Variants in GDAP1 observed in about 807,000 individuals in gnomAD.
The protein encoded by GDAP1 is ganglioside-induced differentiation-associated protein 1.
GDAP1 carries 34 observed loss-of-function variants against 40.1 expected under a neutral mutation model. The ratio of observed to expected loss-of-function variants is 0.85; its 90% CI spans 0.64 to 1.13. The LOEUF (loss-of-function observed/expected upper bound fraction) is 1.13. Ranked by LOEUF, GDAP1 falls within the 50% of genes most tolerant of loss-of-function variation. GDAP1 has a pLI of 0.00. For missense variants in GDAP1, 374 were observed against 433.7 expected (o/e 0.86, Z 1.22); for synonymous variants, 170 against 157.4 (o/e 1.08, Z -0.60).
chr8:74,477,915 A>G (rs1219172116), intron 2 of GDAP1, among the ~76,000 whole-genome samples: 1 of 152,118 alleles, frequency 6.6e-6, no homozygotes, highest in Non-Finnish European at 1.5e-5. Context: ...TGTCCCCTTC[A>G]CCAGCTACTG....
At chr8:74,363,891 C>G (rs1376544943) in intron 5 of GDAP1, 94 bp from the exon 6 acceptor site, 1 of 984,532 alleles carries the variant, frequency 1.0e-6, no homozygotes, top group Non-Finnish European at 1.6e-6. Flanking sequence ...TTGCTATACT[C>G]ACACTCACCC....
chr8:74,466,098 G>A (rs1047063639), intron 2 of GDAP1, among the ~76,000 whole-genome samples: 19 of 152,114 alleles, frequency 1.2e-4, no homozygotes, highest in African/African-American at 1.9e-4. Flanking sequence ...TCAGAGGGAC[G>A]TGCTTTTTAT....
chr8:74,405,637 T>C (rs1805628374), intron 2 of GDAP1, among the ~76,000 whole-genome samples: 1 of 150,186 alleles, frequency 6.7e-6, no homozygotes, highest in Non-Finnish European at 1.5e-5. Flanking sequence ...TGCTATTTAA[T>C]GTATGTGGAC....
rs1810275141 is a variant in GDAP1 at position 74,399,323 on chromosome 8, T to C, written c.165+48002T>C. Among the ~76,000 whole-genome samples the C allele has an allele frequency of 1.3e-5, 2 of 150,170 alleles. 1 individual carries two copies. Among genetic ancestry groups the C allele is most frequent in the African/African-American group, 5.1e-5 (2 of 39,450 alleles). ...ATTTATCCATTTCTTCTAGATTTTC[T>C]AGTTTATTTGCATAGAGGTGTTTGT... On this transcript the variant is annotated intron_variant, in intron 2 of 2. Coordinates refer to the GDAP1 transcript ENST00000523640.
At chr8:74,471,694 A>G (rs552030002) in intron 2 of GDAP1, among the ~76,000 whole-genome samples, 2 of 152,254 alleles carry the variant, frequency 1.3e-5, no homozygotes, top group Non-Finnish European at 2.9e-5. Context: ...CCATCCCCAG[A>G]TAACCACTGA....
At chr8:74,437,846 T>G (rs1444585117) in intron 2 of GDAP1, among the ~76,000 whole-genome samples, 1 of 152,180 alleles carries the variant, frequency 6.6e-6, no homozygotes, top group Non-Finnish European at 1.5e-5. Flanking sequence ...CTCGAATATA[T>G]CTAATCCCCT....
chr8:74,417,940 A>G (rs548747946), intron 2 of GDAP1, among the ~76,000 whole-genome samples: 8 of 152,286 alleles, frequency 5.3e-5, no homozygotes, highest in African/African-American at 1.9e-4. Context: ...AAAACTACCA[A>G]TTCAATAGCT....
intron 2 of GDAP1, among the ~76,000 whole-genome samples, chr8:74,458,007 A>G (rs1312388400): frequency 6.6e-6 from 1 of 152,136 alleles, no homozygotes; most frequent in Non-Finnish European, 1.5e-5. Context: ...ATCCATTTGT[A>G]GTTTTTAAGA....
chr8:74,432,307 A>C (rs1336652764), intron 2 of GDAP1, among the ~76,000 whole-genome samples: 1 of 152,050 alleles, frequency 6.6e-6, no homozygotes, highest in East Asian at 1.9e-4. Flanking sequence ...TCTTTAAGCT[A>C]GTTTGAGATG....
At position 74,366,735 on chromosome 8, in the gene GDAP1, G is replaced by A; in HGVS notation, c.*2368G>A. On this transcript the variant is annotated 3_prime_UTR_variant, in exon 6 of 6. Coordinates refer to ENST00000220822, the MANE Select transcript of GDAP1 (RefSeq NM_018972.4). Reference sequence around the variant, plus strand: ...CCATAATTGCGGATAGTCATAAATTGCTTGCTCAATTTTTAGTAATTATTG... The same window carrying A: ...CCATAATTGCGGATAGTCATAAATTACTTGCTCAATTTTTAGTAATTATTG... 2.2e-6 allele frequency: 1 copy of A among 453,312 alleles called. No homozygotes were observed. The highest frequency in any genetic ancestry group is 4.4e-6 in the Non-Finnish European group (1 of 226,578). The allele number at this position is 453,312 out of a possible 1,614,324, so 28.1% of individuals were successfully genotyped here.
At chr8:74,485,649 C>A (rs751599255) in intron 2 of GDAP1, among the ~76,000 whole-genome samples, 2 of 151,628 alleles carry the variant, frequency 1.3e-5, no homozygotes, top group Non-Finnish European at 2.9e-5. Context: ...ATGGGAAGAA[C>A]CTGAAGGCTG....
At chr8:74,442,090 A>G (rs1222058404) in intron 2 of GDAP1, among the ~76,000 whole-genome samples, 1 of 152,216 alleles carries the variant, frequency 6.6e-6, no homozygotes. Flanking sequence ...AAAACTGTTA[A>G]GCTAAGTTAA....
chr8:74,439,771 A>G (rs945931879), intron 2 of GDAP1, among the ~76,000 whole-genome samples: 1 of 152,002 alleles, frequency 6.6e-6, no homozygotes, highest in Non-Finnish European at 1.5e-5. Flanking sequence ...ACTCTCTTTA[A>G]ACCATAAATT....
At chr8:74,431,824 T>A (rs1025273011) in intron 2 of GDAP1, among the ~76,000 whole-genome samples, 1 of 152,170 alleles carries the variant, frequency 6.6e-6, no homozygotes, top group Admixed American at 6.6e-5. Context: ...GCGTGCTAGT[T>A]CTAGAGTTTA....
chr8:74,378,461 C>T (rs367916349), intron 2 of GDAP1, among the ~76,000 whole-genome samples: 1 of 152,266 alleles, frequency 6.6e-6, no homozygotes, highest in African/African-American at 2.4e-5. Flanking sequence ...AAAGTGGTGG[C>T]CTCCCTGGGG....
chr8:74,362,024 A>G (rs1336823017), intron 4 of GDAP1, 46 bp downstream of exon 4: 1 of 969,702 alleles, frequency 1.0e-6, no homozygotes, highest in African/African-American at 1.6e-5. Flanking sequence ...GCACGGAGTA[A>G]ATGTTCTACT....
rs1212806488 is a variant in GDAP1 at position 74,442,671 on chromosome 8, T to C, written c.166-46007T>C. ...CAGTGTGTTCTCTACTGATTATGAC[T>C]GAAGTCTTTAAGTTTGGGAAAAGAA... On this transcript the variant is annotated intron_variant, in intron 2 of 2. Coordinates refer to the GDAP1 transcript ENST00000523640. Among the ~76,000 whole-genome samples the C allele has an allele frequency of 2.0e-5, 3 of 152,302 alleles. No individual in the cohort carries two copies. The East Asian group carries it at 5.8e-4, about 29-fold the overall frequency.
At chr8:74,420,754 G>C (rs1765776333) in intron 2 of GDAP1, among the ~76,000 whole-genome samples, 1 of 151,932 alleles carries the variant, frequency 6.6e-6, no homozygotes, top group Non-Finnish European at 1.5e-5. Flanking sequence ...GTAGATAGTA[G>C]AAATGGGACC....
chr8:74,398,257 A>G (rs1810245321), intron 2 of GDAP1, among the ~76,000 whole-genome samples: 1 of 152,062 alleles, frequency 6.6e-6, no homozygotes, highest in East Asian at 1.9e-4. Flanking sequence ...GTTGGTTTAA[A>G]GTCTGTTTTA....
Sources: gnomAD v4.1 joint callset for allele counts (sites outside exome capture counted in the v4.1 genomes callset) on GRCh38, gnomAD v4.1.1 for gene constraint, MANE v1.5 for transcripts, NCBI Gene and HGNC (gene_info 2026-07-23, HGNC 2026-07-21) for gene names.